The following PLCB4 variants were observed in gnomAD, a reference collection of about 807,000 sequenced individuals.
PLCB4 encodes the protein 1-phosphatidylinositol 4,5-bisphosphate phosphodiesterase beta-4.
Under a neutral mutation model 178.8 loss-of-function variants are expected in PLCB4, and 77 were observed. The ratio of observed to expected loss-of-function variants is 0.43; its 90% CI spans 0.36 to 0.52. The LOEUF is 0.52. Among genes scored for constraint, PLCB4 ranks in the 20% least tolerant of loss-of-function variants. PLCB4 has a pLI of 0.00. For synonymous variants in PLCB4, 496 were observed against 490.8 expected (o/e 1.01, Z -0.14); for missense variants, 1,024 against 1,453.4 (o/e 0.70, Z 4.80).
chr20:9,173,326 A>T (rs1186547674), intron 2 of PLCB4, among the ~76,000 whole-genome samples: 1 of 152,144 alleles, frequency 6.6e-6, no homozygotes, highest in African/African-American at 2.4e-5. Flanking sequence ...ATGCAAACAG[A>T]TTTACCTCAT....
chr20:9,297,626 C>T (rs1362030043), intron 3 of PLCB4, among the ~76,000 whole-genome samples: 1 of 152,116 alleles, frequency 6.6e-6, no homozygotes, highest in Non-Finnish European at 1.5e-5. Flanking sequence ...CCTCAGAGGA[C>T]ATCACGTGTA....
intron 3 of PLCB4, among the ~76,000 whole-genome samples, chr20:9,226,368 T>C (rs1187610636): frequency 6.6e-6 from 1 of 152,192 alleles, no homozygotes; most frequent in Non-Finnish European, 1.5e-5. Context: ...ACTGAGCTAA[T>C]AGAAAAATAG....
At chr20:9,110,356 A>T (rs2091530662) in intron 2 of PLCB4, among the ~76,000 whole-genome samples, 1 of 152,222 alleles carries the variant, frequency 6.6e-6, no homozygotes, top group Non-Finnish European at 1.5e-5. Context: ...ATGGACATAT[A>T]CATTATTGTC....
intron 2 of PLCB4, among the ~76,000 whole-genome samples, chr20:9,179,629 T>C (rs1018160880): frequency 1.3e-5 from 2 of 152,212 alleles, no homozygotes; most frequent in Non-Finnish European, 2.9e-5. Context: ...GGTTTTCCAC[T>C]GAGGAAGGAG....
At chr20:9,095,371 A>C (rs998098580) in intron 1 of PLCB4, among the ~76,000 whole-genome samples, 8 of 152,132 alleles carry the variant, frequency 5.3e-5, no homozygotes, top group Non-Finnish European at 1.2e-4. Flanking sequence ...ATTGTTTTTG[A>C]ATCTATATAT....
At chr20:9,137,214 C>T (rs2092401197) in intron 2 of PLCB4, among the ~76,000 whole-genome samples, 1 of 152,104 alleles carries the variant, frequency 6.6e-6, no homozygotes, top group Non-Finnish European at 1.5e-5. Flanking sequence ...TCTTATTAAA[C>T]TCCCTTGTTG....
At chr20:9,085,551 A>G (rs1240232839) in intron 1 of PLCB4, among the ~76,000 whole-genome samples, 1 of 152,206 alleles carries the variant, frequency 6.6e-6, no homozygotes, top group Non-Finnish European at 1.5e-5. Context: ...TGCTTCTAAA[A>G]TTAGTATCTA....
At chr20:9,281,905 AAAAAGT>A (rs1025869819) in intron 3 of PLCB4, among the ~76,000 whole-genome samples, 6 of 152,042 alleles carry the variant, frequency 3.9e-5, no homozygotes, top group African/African-American at 1.4e-4. Context: ...CAAGTTAAAC[AAAAAGT>A]AAAACATCCA....
chr20:9,417,474 T>C (rs1452035522), intron 25 of PLCB4, among the ~76,000 whole-genome samples: 3 of 152,202 alleles, frequency 2.0e-5, no homozygotes, highest in Non-Finnish European at 4.4e-5. Flanking sequence ...GTGCCTGGCT[T>C]CTTTCACTTA....
intron 2 of PLCB4, among the ~76,000 whole-genome samples, chr20:9,202,471 A>G (rs1013028993): frequency 2.0e-4 from 31 of 152,208 alleles, no homozygotes; most frequent in Non-Finnish European, 1.5e-5. Flanking sequence ...GGGTGATCAC[A>G]TCTGCTCTTA....
intron 2 of PLCB4, among the ~76,000 whole-genome samples, chr20:9,121,159 A>G (rs2091952427): frequency 6.6e-6 from 1 of 152,216 alleles, no homozygotes; most frequent in African/African-American, 2.4e-5. Context: ...GCAGTGCGCC[A>G]TTGACCCACT....
At chr20:9,444,754 T>A (rs535258125) in intron 32 of PLCB4, among the ~76,000 whole-genome samples, 21 of 151,918 alleles carry the variant, frequency 1.4e-4, no homozygotes, top group Middle Eastern at 3.4e-3. Flanking sequence ...AGAGTAAGAC[T>A]CCATCTCAAA....
At chr20:9,417,287 G>A (rs1240964763) in intron 25 of PLCB4, among the ~76,000 whole-genome samples, 1 of 151,828 alleles carries the variant, frequency 6.6e-6, no homozygotes, top group South Asian at 2.1e-4. Flanking sequence ...CCACTACCCC[G>A]TGGACATGAG....
chr20:9,343,061 C>A (rs765145537), intron 7 of PLCB4, among the ~76,000 whole-genome samples: 9 of 152,086 alleles, frequency 5.9e-5, no homozygotes, highest in Non-Finnish European at 1.3e-4. Flanking sequence ...TGGGAGAGTC[C>A]AGCACTCCCT....
rs537005844 is a variant in PLCB4 at position 9,217,411 on chromosome 20, T to G, written c.-57T>G. The G allele has an allele frequency of 6.6e-6, 1 of 152,356 alleles. No homozygotes were observed. Among genetic ancestry groups the G allele is most frequent in the East Asian group, 1.9e-4 (1 of 5,194 alleles). 9.4% of individuals were successfully genotyped at this position (152,356 alleles called of 1,614,324 possible). A position where few individuals can be genotyped will look rare whatever the true frequency, so the allele number is the denominator to read the frequency against. ...TCAGAGGACAGTGCTGCTGTGAGTT[T>G]GACGAAGTGGACATCACCTGCAGTC... On this transcript the variant is annotated 5_prime_UTR_variant, in exon 3 of 40. Transcript: ENST00000378473.
intron 35 of PLCB4, among the ~76,000 whole-genome samples, chr20:9,460,796 A>G (rs898021968): frequency 3.9e-5 from 6 of 152,190 alleles, no homozygotes; most frequent in Admixed American, 3.9e-4. Context: ...CAAATTCCCA[A>G]CATTACTTTG....
intron 4 of PLCB4, among the ~76,000 whole-genome samples, chr20:9,311,027 T>G (rs921905205): frequency 1.4e-4 from 21 of 152,218 alleles, no homozygotes; most frequent in African/African-American, 5.1e-4. Context: ...TGCTTAACAT[T>G]AAATCTTTAA....
At chr20:9,201,222 T>G (rs2093540508) in intron 2 of PLCB4, among the ~76,000 whole-genome samples, 2 of 152,202 alleles carry the variant, frequency 1.3e-5, no homozygotes, top group Admixed American at 1.3e-4. Context: ...TATTAAATGC[T>G]CCTCCCTTTG....
chr20:9,266,688 T>C (rs950285694), intron 3 of PLCB4, among the ~76,000 whole-genome samples: 1 of 151,736 alleles, frequency 6.6e-6, no homozygotes, highest in Non-Finnish European at 1.5e-5. Flanking sequence ...TACTTGAACA[T>C]TTTTAAATTA....
Sources: allele counts gnomAD v4.1 joint callset (sites outside exome capture counted in the v4.1 genomes callset), GRCh38; gene constraint gnomAD v4.1.1; transcripts MANE v1.5; gene names NCBI Gene and HGNC (gene_info 2026-07-23, HGNC 2026-07-21).